BACH1: variants seen among roughly 807,000 people sequenced by gnomAD.
BACH1 encodes the protein transcription regulator protein BACH1.
In BACH1, 35 loss-of-function variants were observed where a neutral mutation model predicts 52.9. That is an observed-to-expected ratio of 0.66 (90% CI 0.51 to 0.88). The LOEUF is 0.88. Among genes scored for constraint, BACH1 ranks in the 40% least tolerant of loss-of-function variants. BACH1 has a pLI of 0.00. For synonymous variants in BACH1, 321 were observed against 319.6 expected (o/e 1.00, Z -0.05); for missense variants, 808 against 872.6 (o/e 0.93, Z 0.93).
chr21:29,360,862 CAAAAA>C (rs1165456695), intron 2 of BACH1, among the ~76,000 whole-genome samples: 1 of 138,030 alleles, frequency 7.2e-6, no homozygotes, highest in African/African-American at 2.7e-5. Context: ...AAAAAAAAAA[CAAAAA>C]AAAACCCCAC....
intron 2 of BACH1, chr21:29,351,959 C>A: frequency 3.1e-6 from 1 of 323,580 alleles, no homozygotes; most frequent in Non-Finnish European, 6.2e-6. Context: ...GAAATTTAAG[C>A]AATGACTCAG....
chr21:29,327,969 A>G (rs2088934953), intron 3 of BACH1, among the ~76,000 whole-genome samples: 1 of 152,242 alleles, frequency 6.6e-6, no homozygotes, highest in Non-Finnish European at 1.5e-5. Context: ...TAATTGTTTA[A>G]ATCAAATGCC....
At chr21:29,340,057 T>TA (rs2089093865) in intron 4 of BACH1, among the ~76,000 whole-genome samples, 1 of 152,232 alleles carries the variant, frequency 6.6e-6, no homozygotes, top group Non-Finnish European at 1.5e-5. Context: ...CAGTTGTTTT[T>TA]ATAGGAAAAT....
chr21:29,331,566 C>A (rs1486249379), intron 4 of BACH1, among the ~76,000 whole-genome samples: 1 of 152,136 alleles, frequency 6.6e-6, no homozygotes, highest in African/African-American at 2.4e-5. Context: ...TTTCAGATAT[C>A]TAGGATGAAG....
intron 4 of BACH1, among the ~76,000 whole-genome samples, chr21:29,331,603 C>T (rs1295139695): frequency 6.6e-6 from 1 of 152,136 alleles, no homozygotes; most frequent in Non-Finnish European, 1.5e-5. Context: ...GGGCTTTCTT[C>T]TCCCTCTGCC....
intron 2 of BACH1, among the ~76,000 whole-genome samples, chr21:29,355,527 A>C (rs1447159347): frequency 6.6e-6 from 1 of 152,176 alleles, no homozygotes; most frequent in African/African-American, 2.4e-5. Flanking sequence ...TGCTCTAGCT[A>C]CTTCCTGCTG....
chr21:29,322,136 C>T (rs184559269), intron 2 of BACH1, among the ~76,000 whole-genome samples: 2 of 152,272 alleles, frequency 1.3e-5, no homozygotes, highest in East Asian at 1.9e-4. Flanking sequence ...TGGAAAGACC[C>T]GCCCCTGTGA....
chr21:29,320,545 T>C (rs1439423888), intron 1 of BACH1, among the ~76,000 whole-genome samples: 3 of 152,226 alleles, frequency 2.0e-5, no homozygotes, highest in Non-Finnish European at 4.4e-5. Flanking sequence ...AGTTTCTGCA[T>C]GTAATTAATG....
intron 4 of BACH1, among the ~76,000 whole-genome samples, chr21:29,336,793 T>C (rs2089050496): frequency 1.3e-5 from 2 of 152,076 alleles, no homozygotes; most frequent in African/African-American, 4.8e-5. Flanking sequence ...TGCCTCAGCC[T>C]CCCGAATAGC....
At chr21:29,325,971 A>G in intron 2 of BACH1, 88 bp from the exon 3 acceptor site, 1 of 1,252,838 alleles carries the variant, frequency 8.0e-7, no homozygotes, top group Non-Finnish European at 1.1e-6. Flanking sequence ...TAAGTTACAT[A>G]TCTCTCTATT....
intron 2 of BACH1, among the ~76,000 whole-genome samples, chr21:29,322,312 AGT>A (rs2088858299): frequency 6.6e-6 from 1 of 152,206 alleles, no homozygotes; most frequent in Non-Finnish European, 1.5e-5. Context: ...GCACTCCATG[AGT>A]GTTCTGTCTC....
At chr21:29,320,772 C>T (rs1472253485) in intron 1 of BACH1, among the ~76,000 whole-genome samples, 4 of 152,184 alleles carry the variant, frequency 2.6e-5, no homozygotes, top group Non-Finnish European at 5.9e-5. Context: ...TGGAACAGCA[C>T]ATGCCTGTTT....
intron 1 of BACH1, chr21:29,305,349 C>T (rs1047628992): frequency 2.6e-5 from 4 of 152,122 alleles, no homozygotes; most frequent in Admixed American, 6.5e-5. Flanking sequence ...TTCCCTACTT[C>T]GTTGTCTCTT....
At chr21:29,331,898 G>GTTTA (rs1041627635) in intron 4 of BACH1, among the ~76,000 whole-genome samples, 1 of 151,780 alleles carries the variant, frequency 6.6e-6, no homozygotes, top group East Asian at 1.9e-4. Flanking sequence ...ATTTTATTTG[G>GTTTA]TTTATTTATT....
intron 2 of BACH1, among the ~76,000 whole-genome samples, chr21:29,323,907 T>C (rs1279472008): frequency 6.6e-6 from 1 of 152,068 alleles, no homozygotes. Flanking sequence ...GTGTGCGGGT[T>C]AAGTTCTATA....
Position 29,321,350 on chromosome 21 carries a change from C to T in BACH1, c.70C>T (p.Leu24Phe), listed in dbSNP as rs1350960794. Residue 24 changes from leucine to phenylalanine, a missense_variant, in exon 2 of 5, where the codon CTT becomes TTT. Leu to Phe is a conservative substitution (Grantham distance 22). Transcript: ENST00000286800. ...GCATAGCACCAATGTTTTACTCAGC[C>T]TTAATGACCAGCGGAAGAAAGATGT... ...SVHSTNVLLS[L>F]NDQRKKDVLC... The T allele has an allele frequency of 1.9e-6, 3 of 1,614,092 alleles. No individual in the cohort carries two copies. The highest frequency in any genetic ancestry group is 1.3e-5 in the African/African-American group (1 of 74,918).
chr21:29,301,106 G>C (rs899621199), intron 1 of BACH1, among the ~76,000 whole-genome samples: 1 of 152,156 alleles, frequency 6.6e-6, no homozygotes, highest in Non-Finnish European at 1.5e-5. Context: ...ATTAATGGTA[G>C]TTCATTTAAA....
intron 2 of BACH1, among the ~76,000 whole-genome samples, chr21:29,356,294 G>T (rs2031899114): frequency 6.6e-6 from 1 of 152,136 alleles, no homozygotes; most frequent in Non-Finnish European, 1.5e-5. Context: ...GCAAACTTTT[G>T]TTGAAAACCT....
At chr21:29,308,907 G>A (rs1396246127) in intron 1 of BACH1, among the ~76,000 whole-genome samples, 1 of 152,092 alleles carries the variant, frequency 6.6e-6, no homozygotes, top group Non-Finnish European at 1.5e-5. Flanking sequence ...TTAGTGTCAG[G>A]TTCCTTTCAG....
Sources: allele counts gnomAD v4.1 joint callset (sites outside exome capture counted in the v4.1 genomes callset), GRCh38; gene constraint gnomAD v4.1.1; transcripts MANE v1.5; gene names NCBI Gene and HGNC (gene_info 2026-07-23, HGNC 2026-07-21).